Variants in NSUN2 observed in about 807,000 individuals in gnomAD.
The protein encoded by NSUN2 is NOP2/Sun RNA methyltransferase 2, also known as RNA cytosine C(5)-methyltransferase NSUN2.
A neutral mutation model predicts 92.7 loss-of-function variants in NSUN2; 63 were observed. The observed-to-expected ratio is 0.68, with a 90% CI of 0.56 to 0.84. The LOEUF (loss-of-function observed/expected upper bound fraction) is 0.84, where lower values mean the gene tolerates loss of function less well. NSUN2 is among the 40% of genes least tolerant of loss of function. The probability of loss-of-function intolerance (pLI) is 0.00; values close to 1 mark genes in which losing one functional copy is unlikely to be tolerated. For synonymous variants in NSUN2, 356 were observed against 348.3 expected (o/e 1.02, Z -0.25); for missense variants, 989 against 964.9 (o/e 1.02, Z -0.33).
rs936124139 is a variant in NSUN2 at position 6,631,983 on chromosome 5, G to A, written c.255-6C>T. 3.3e-5 allele frequency: 52 copies of A among 1,595,912 alleles called. No individual in the cohort carries two copies. The highest frequency in any genetic ancestry group is 4.2e-5 in the Non-Finnish European group (49 of 1,166,320). On this transcript the variant is annotated splice_region_variant and splice_polypyrimidine_tract_variant and intron_variant, in intron 2 of 18. Transcript: ENST00000264670. ...GGAGAATCTCTTTTGCGTGGCTATTGAAAAATAAGGAAGTTTCAAACTGAT... is the reference window on the plus strand; with the variant it reads ...GGAGAATCTCTTTTGCGTGGCTATTAAAAAATAAGGAAGTTTCAAACTGAT...
At chr5:6,620,587 C>T (rs551136598) in intron 6 of NSUN2, 17 of 256,058 alleles carry the variant, frequency 6.6e-5, no homozygotes, top group African/African-American at 3.3e-4. Context: ...TTATTAGTAA[C>T]GATTAACTAC....
chr5:6,611,830 T>C (rs768646772), intron 9 of NSUN2, 32 bp from the exon 10 acceptor site: 4 of 1,599,408 alleles, frequency 2.5e-6, no homozygotes, highest in Non-Finnish European at 2.6e-6. Flanking sequence ...GTCTTTTGTT[T>C]TTCAAAAAAG....
intron 3 of NSUN2, among the ~76,000 whole-genome samples, chr5:6,629,242 T>A (rs1470632224): frequency 6.6e-6 from 1 of 152,200 alleles, no homozygotes; most frequent in Non-Finnish European, 1.5e-5. Context: ...AAGAGTTTGG[T>A]AATTACCTTG....
In NSUN2 at chr5:6,604,830, G is replaced by A. The variant is rs114479120; in HGVS notation, c.1738-145C>T. ...CCACCGAGAAACCCCGGTTAAGAAC[G>A]AACTGATACTCACAACTTGTGATTA... On this transcript the variant is annotated intron_variant, in intron 15 of 18. Coordinates refer to ENST00000264670, the MANE Select transcript of NSUN2 (RefSeq NM_017755.6). The A allele has an allele frequency of 6.8e-3, 4,478 of 663,136 alleles. 30 individuals carry two copies. The highest frequency in any genetic ancestry group is 0.014 in the Middle Eastern group (55 of 3,930). The allele number at this position is 663,136 out of a possible 1,614,324, so 41.1% of individuals were successfully genotyped here.
chr5:6,610,787 G>C (rs1736954902), intron 11 of NSUN2, among the ~76,000 whole-genome samples, 168 bp downstream of exon 11: 1 of 152,014 alleles, frequency 6.6e-6, no homozygotes, highest in Non-Finnish European at 1.5e-5. Flanking sequence ...AGGCACAAGA[G>C]CCATACTGGC....
Position 6,606,926 on chromosome 5 carries a change from CAGG to C in NSUN2, c.1509-17_1509-15del. The C allele has an allele frequency of 6.3e-6, 9 of 1,423,906 alleles. No homozygotes were observed. The highest frequency in any genetic ancestry group is 8.9e-6 in the Non-Finnish European group (9 of 1,012,784). 88.2% of individuals were successfully genotyped at this position (1,423,906 alleles called of 1,614,324 possible). A position where few individuals can be genotyped will look rare whatever the true frequency, so the allele number is the denominator to read the frequency against. ...GATGGAGGAGGACTAAAAAGGGAATCAGGATGAGACAAATCAATCTGTAATGTG... is the reference window on the plus strand; with the variant it reads ...GATGGAGGAGGACTAAAAAGGGAATCATGAGACAAATCAATCTGTAATGTG... On this transcript the variant is annotated splice_polypyrimidine_tract_variant and intron_variant, in intron 13 of 18. Coordinates refer to ENST00000264670, the MANE Select transcript of NSUN2 (RefSeq NM_017755.6).
chr5:6,605,584 C>T (rs1736734125), intron 14 of NSUN2, among the ~76,000 whole-genome samples, 176 bp from the exon 15 acceptor site: 1 of 152,174 alleles, frequency 6.6e-6, no homozygotes, highest in African/African-American at 2.4e-5. Flanking sequence ...CACCTGAAAC[C>T]TCCACGTAAC....
chr5:6,610,650 C>G (rs1736947854), intron 11 of NSUN2, among the ~76,000 whole-genome samples: 1 of 150,284 alleles, frequency 6.7e-6, no homozygotes, highest in African/African-American at 2.5e-5. Context: ...AGCTACTACA[C>G]TCCAGCCTGG....
chr5:6,632,994 C>T lies in NSUN2; in HGVS notation c.-15G>A. The T allele has an allele frequency of 6.9e-7, 1 of 1,440,092 alleles. No homozygotes were observed. The highest frequency in any genetic ancestry group is 1.4e-5 in the South Asian group (1 of 70,140). 89.2% of individuals were successfully genotyped at this position (1,440,092 alleles called of 1,614,324 possible). On this transcript the variant is annotated 5_prime_UTR_variant, in exon 1 of 19. Transcript: ENST00000264670. ...CGCCGCCCCATAGCCCACGCGGCCG[C>T]GCACGCAGCACGCAGAAACCGGCCC...
At chr5:6,626,932 T>A (rs901064998) in intron 3 of NSUN2, among the ~76,000 whole-genome samples, 1 of 152,202 alleles carries the variant, frequency 6.6e-6, no homozygotes, top group African/African-American at 2.4e-5. Context: ...ACAAACACAT[T>A]TGACTGCTTT....
At chr5:6,617,838 T>A (rs1487489857) in intron 8 of NSUN2, 112 bp downstream of exon 8, 12 of 750,014 alleles carry the variant, frequency 1.6e-5, no homozygotes, top group Middle Eastern at 2.4e-4. Context: ...CCATTGACCA[T>A]CCTCTGATGC....
chr5:6,627,101 G>A (rs748284155), intron 3 of NSUN2, among the ~76,000 whole-genome samples: 3 of 152,116 alleles, frequency 2.0e-5, no homozygotes, highest in Non-Finnish European at 4.4e-5. Flanking sequence ...GGTCCCCAGC[G>A]CTTTGATTCT....
At chr5:6,604,763 A>G (rs773792500) in intron 15 of NSUN2, 78 bp from the exon 16 acceptor site, 3 of 1,200,764 alleles carry the variant, frequency 2.5e-6, no homozygotes, top group Admixed American at 1.7e-5. Flanking sequence ...GGCCACATGG[A>G]GCAACCGTCA....
At chr5:6,630,987 G>A (rs905887350) in intron 3 of NSUN2, among the ~76,000 whole-genome samples, 6 of 152,082 alleles carry the variant, frequency 3.9e-5, no homozygotes, top group Non-Finnish European at 7.4e-5. Context: ...CCAGCTACTC[G>A]GGAGGCTGAG....
At chr5:6,612,304 C>T (rs1560976590) in intron 9 of NSUN2, among the ~76,000 whole-genome samples, 2 of 152,078 alleles carry the variant, frequency 1.3e-5, no homozygotes, top group Middle Eastern at 3.4e-3. Context: ...CAGGTCTTCA[C>T]GCAGGCATGT....
rs1161533216 is a variant in NSUN2 at position 6,607,945 on chromosome 5, G to A, written c.1324-561C>T. On this transcript the variant is annotated intron_variant, in intron 12 of 18. Transcript: ENST00000264670. ...AATTTAAATTTGGCTTTGGGAATGA[G>A]CAAAATGTTTTACTTAAAGATCTTT... 2.6e-5 allele frequency among the ~76,000 whole-genome samples: 4 copies of A among 152,154 alleles called. No individual in the cohort carries two copies. The East Asian group carries it at 5.8e-4, about 22-fold the overall frequency.
intron 12 of NSUN2, among the ~76,000 whole-genome samples, chr5:6,608,800 C>T (rs1246985886): frequency 6.6e-6 from 1 of 152,178 alleles, no homozygotes; most frequent in Non-Finnish European, 1.5e-5. Context: ...ATGTGACAAG[C>T]GCAAAGTCTA....
chr5:6,608,581 T>C (rs1196848288), intron 12 of NSUN2, among the ~76,000 whole-genome samples: 1 of 152,194 alleles, frequency 6.6e-6, no homozygotes, highest in Non-Finnish European at 1.5e-5. Flanking sequence ...AAAATGACAA[T>C]AAGTTGTTCT....
intron 9 of NSUN2, among the ~76,000 whole-genome samples, chr5:6,615,548 T>C (rs1250534853): frequency 6.6e-6 from 1 of 152,222 alleles, no homozygotes; most frequent in East Asian, 1.9e-4. Context: ...ATGACATCTT[T>C]ACAGAGGTCT....
Sources: gnomAD v4.1 joint callset for allele counts (sites outside exome capture counted in the v4.1 genomes callset) on GRCh38, gnomAD v4.1.1 for gene constraint, MANE v1.5 for transcripts, NCBI Gene and HGNC (gene_info 2026-07-23, HGNC 2026-07-21) for gene names.